MYZAP: variants seen among roughly 807,000 people sequenced by gnomAD.
The protein encoded by MYZAP is myocardial zonula adherens protein, also known as GRINL1A complex locus upstream.
Under a neutral mutation model 69.4 loss-of-function variants are expected in MYZAP, and 66 were observed. The ratio of observed to expected loss-of-function variants is 0.95; its 90% CI spans 0.78 to 1.17. The LOEUF (loss-of-function observed/expected upper bound fraction) is 1.17. Ranked by LOEUF, MYZAP falls within the 50% of genes most tolerant of loss-of-function variation. The pLI is 0.00. For missense variants in MYZAP, 611 were observed against 556.2 expected (o/e 1.10, Z -0.99); for synonymous variants, 256 against 205.9 (o/e 1.24, Z -2.09).
chr15:57,623,401 G>C (rs1337850273), intron 4 of MYZAP, among the ~76,000 whole-genome samples: 1 of 152,130 alleles, frequency 6.6e-6, no homozygotes, highest in Non-Finnish European at 1.5e-5. Context: ...AGCATTGTTT[G>C]TAATAGTAAA....
In MYZAP at chr15:57,633,488, CT is replaced by C. The variant is rs2036627750; in HGVS notation, c.805-122del. 8.2e-6 allele frequency: 11 copies of C among 1,336,426 alleles called. No individual in the cohort carries two copies. The Admixed American group carries it at 2.2e-4, about 27-fold the overall frequency. The allele number at this position is 1,336,426 out of a possible 1,614,324, so 82.8% of individuals were successfully genotyped here. A position where few individuals can be genotyped will look rare whatever the true frequency, so the allele number is the denominator to read the frequency against. ...GGTTGAGTTCATGATCTGTGAGACA[CT>C]TTCAGGTTCCAAGGTCATGTTTTAA... is the stretch of plus-strand genomic sequence containing the variant. On this transcript the variant is annotated intron_variant, in intron 7 of 12. Transcript: ENST00000267853.
intron 6 of MYZAP, 40 bp from the exon 7 acceptor site, chr15:57,632,394 C>T: frequency 1.9e-6 from 3 of 1,612,874 alleles, no homozygotes; most frequent in Non-Finnish European, 1.7e-6. Context: ...TTCCTCTGGG[C>T]CCTGCAAAAG....
At chr15:57,593,005 C>T (rs959091359) in intron 1 of MYZAP, among the ~76,000 whole-genome samples, 13 of 152,122 alleles carry the variant, frequency 8.5e-5, no homozygotes, top group East Asian at 1.9e-4. Flanking sequence ...GTTCTGTCTG[C>T]GTGCAGGCTT....
intron 10 of MYZAP, among the ~76,000 whole-genome samples, chr15:57,644,880 T>C (rs1276759446): frequency 1.3e-5 from 2 of 152,228 alleles, no homozygotes; most frequent in African/African-American, 4.8e-5. Flanking sequence ...AGAGGTACGC[T>C]TGTTAAATAG....
intron 10 of MYZAP, among the ~76,000 whole-genome samples, chr15:57,657,498 T>C (rs1355451096): frequency 6.6e-6 from 1 of 152,206 alleles, no homozygotes; most frequent in Non-Finnish European, 1.5e-5. Context: ...AACTTTTGCT[T>C]TTCTATCCCT....
At chr15:57,663,764 G>A (rs752936393) in intron 11 of MYZAP, among the ~76,000 whole-genome samples, 1 of 152,172 alleles carries the variant, frequency 6.6e-6, no homozygotes, top group African/African-American at 2.4e-5. Flanking sequence ...AGGATGTAGC[G>A]GGGTGGGTGG....
chr15:57,594,624 T>G (rs1195843143), intron 1 of MYZAP, among the ~76,000 whole-genome samples: 1 of 152,180 alleles, frequency 6.6e-6, no homozygotes, highest in East Asian at 1.9e-4. Flanking sequence ...CCTAGGTGTG[T>G]GGTAGGCTAT....
At chr15:57,683,354 G>A (rs2039533028) in intron 12 of MYZAP, among the ~76,000 whole-genome samples, 1 of 152,222 alleles carries the variant, frequency 6.6e-6, no homozygotes, top group South Asian at 2.1e-4. Flanking sequence ...CCACAGAGTA[G>A]GGTGGAGAAG....
chr15:57,649,566 G>C (rs1043881093), intron 10 of MYZAP, among the ~76,000 whole-genome samples: 2 of 152,030 alleles, frequency 1.3e-5, no homozygotes, highest in Admixed American at 6.6e-5. Flanking sequence ...CTTTTTTCCA[G>C]CTGACTTGTA....
chr15:57,633,596 G>A lies in MYZAP; in HGVS notation c.805-17G>A, dbSNP rs1245444304. ...GTACTCCATGCCTGTACTTAGGAGG[G>A]TATATTTCTTTTGCAGGAAGAAACC... On this transcript the variant is annotated splice_polypyrimidine_tract_variant and intron_variant, in intron 7 of 12. Transcript: ENST00000267853. 3.7e-6 allele frequency: 6 copies of A among 1,608,796 alleles called. No homozygotes were observed. Among genetic ancestry groups the A allele is most frequent in the African/African-American group, 2.7e-5 (2 of 74,740 alleles).
chr15:57,667,087 A>G (rs1031759758), intron 11 of MYZAP, among the ~76,000 whole-genome samples: 1 of 152,186 alleles, frequency 6.6e-6, no homozygotes, highest in Non-Finnish European at 1.5e-5. Flanking sequence ...AAAGGAGTCA[A>G]ATGTCTTGGT....
At chr15:57,595,193 G>GA (rs1268584001) in intron 1 of MYZAP, among the ~76,000 whole-genome samples, 188 of 150,164 alleles carry the variant, frequency 1.3e-3, no homozygotes, top group East Asian at 6.2e-3. Flanking sequence ...ACCTCTCAAG[G>GA]AAAAAAAAAC....
At chr15:57,629,614 A>G in intron 5 of MYZAP, 88 bp from the exon 6 acceptor site, 1 of 1,515,046 alleles carries the variant, frequency 6.6e-7, no homozygotes, top group Non-Finnish European at 8.8e-7. Flanking sequence ...CCCAGTGCTT[A>G]ATGATAAGGG....
intron 10 of MYZAP, chr15:57,648,134 C>G: frequency 1.0e-6 from 1 of 980,402 alleles, no homozygotes; most frequent in Non-Finnish European, 1.2e-6. Flanking sequence ...ATTTTAAAAT[C>G]TTAGACAATT....
intron 1 of MYZAP, among the ~76,000 whole-genome samples, chr15:57,603,506 C>G (rs7183550): frequency 2.7e-3 from 412 of 152,254 alleles, no homozygotes; most frequent in African/African-American, 9.5e-3. Context: ...ATCCTTACCC[C>G]CTGGTCACCA....
intron 1 of MYZAP, 72 bp from the exon 2 acceptor site, chr15:57,604,197 G>T: frequency 6.6e-7 from 1 of 1,524,660 alleles, no homozygotes; most frequent in Non-Finnish European, 9.0e-7. Context: ...GCTGTGAGAA[G>T]CCCAAGGTCA....
chr15:57,626,072 A>G (rs2036116505), intron 5 of MYZAP, among the ~76,000 whole-genome samples, 180 bp downstream of exon 5: 1 of 152,250 alleles, frequency 6.6e-6, no homozygotes, highest in African/African-American at 2.4e-5. Context: ...AGCATTTCCA[A>G]GCTGAGACTC....
At chr15:57,593,320 A>G (rs1237128360) in intron 1 of MYZAP, among the ~76,000 whole-genome samples, 6 of 152,080 alleles carry the variant, frequency 3.9e-5, no homozygotes, top group Non-Finnish European at 8.8e-5. Context: ...GGGGTTTCCA[A>G]CCACAGTCCT....
At chr15:57,652,487 T>C (rs2037778084) in intron 10 of MYZAP, among the ~76,000 whole-genome samples, 1 of 152,222 alleles carries the variant, frequency 6.6e-6, no homozygotes, top group South Asian at 2.1e-4. Context: ...AATTACGATG[T>C]TACAGGACTT....
Sources: gnomAD v4.1 joint callset for allele counts (sites outside exome capture counted in the v4.1 genomes callset) on GRCh38, gnomAD v4.1.1 for gene constraint, MANE v1.5 for transcripts, NCBI Gene and HGNC (gene_info 2026-07-23, HGNC 2026-07-21) for gene names.